The following RPA1 variants were observed in gnomAD, a reference collection of about 807,000 sequenced individuals.
RPA1 encodes replication protein A1.
A neutral mutation model predicts 83.0 loss-of-function variants in RPA1; 49 were observed. The ratio of observed to expected loss-of-function variants is 0.59; its 90% CI spans 0.47 to 0.75. The LOEUF is 0.75. RPA1 is among the 30% of genes least tolerant of loss of function. The pLI, the probability that RPA1 is intolerant of heterozygous loss-of-function variation, is 0.00. For synonymous variants in RPA1, 279 were observed against 281.8 expected, an observed-to-expected ratio of 0.99 and a Z score of 0.10; for missense variants, 693 against 776.1, an observed-to-expected ratio of 0.89 and a Z score of 1.27.
intron 1 of RPA1, among the ~76,000 whole-genome samples, chr17:1,834,908 C>G (rs1280798849): frequency 6.6e-6 from 1 of 152,122 alleles, no homozygotes; most frequent in African/African-American, 2.4e-5. Context: ...GTTGCCCAGG[C>G]TGGGGTGCAG....
chr17:1,840,447 C>T lies in RPA1; in HGVS notation c.34-2356C>T, dbSNP rs114349434. Among the ~76,000 whole-genome samples, 937 of 152,170 alleles carry T rather than the reference C, an allele frequency of 6.2e-3. 11 individuals are homozygous for T. Among genetic ancestry groups the T allele is most frequent in the African/African-American group, 0.021 (856 of 41,506 alleles). ...GACTACAGGCACGTCCCACCACGCCCGGTTAATTTTTTATATTTTTAGCAG... is the reference window on the plus strand; with the variant it reads ...GACTACAGGCACGTCCCACCACGCCTGGTTAATTTTTTATATTTTTAGCAG... On this transcript the variant is annotated intron_variant, in intron 1 of 16. Transcript: ENST00000254719.
chr17:1,837,749 T>G (rs1911879519), intron 1 of RPA1, among the ~76,000 whole-genome samples: 1 of 152,216 alleles, frequency 6.6e-6, no homozygotes, highest in Admixed American at 6.5e-5. Flanking sequence ...GTTCACATCT[T>G]TTGTTCACCT....
At chr17:1,852,238 GGAGC>G (rs1353674697) in intron 4 of RPA1, among the ~76,000 whole-genome samples, 16 of 152,242 alleles carry the variant, frequency 1.1e-4, no homozygotes, top group African/African-American at 3.1e-4. Context: ...CAGTCTAGTA[GGAGC>G]GAGAGAGAAT....
intron 13 of RPA1, 120 bp from the exon 14 acceptor site, chr17:1,888,555 A>G (rs1265911406): frequency 1.0e-5 from 9 of 888,112 alleles, no homozygotes; most frequent in Non-Finnish European, 1.5e-5. Flanking sequence ...GATCATGTGT[A>G]ATCTTGAGGA....
intron 5 of RPA1, among the ~76,000 whole-genome samples, chr17:1,869,109 G>C (rs573919650): frequency 2.0e-5 from 3 of 152,238 alleles, no homozygotes; most frequent in Non-Finnish European, 4.4e-5. Flanking sequence ...GGTAGAAGTT[G>C]AATTTTTTGT....
At chr17:1,875,841 G>A in intron 7 of RPA1, 48 bp downstream of exon 7, 1 of 1,566,526 alleles carries the variant, frequency 6.4e-7, no homozygotes, top group Non-Finnish European at 8.7e-7. Flanking sequence ...TGAAATCGGA[G>A]AAGCTATTAT....
rs750505392 is a variant in RPA1, at chr17:1,880,502, C to T, written c.1093-41C>T. On this transcript the variant is annotated intron_variant, in intron 11 of 16. Transcript: ENST00000254719. The stretch of plus-strand genomic sequence containing the variant: ...TCTATAAAAATCTTCTGTGTTCTTC[C>T]TGCTAGTGACACTTGTATATGTCTG... 4 of 1,597,604 alleles carry T rather than the reference C, an allele frequency of 2.5e-6. No homozygotes were observed. The East Asian group carries it at 9.0e-5, about 36-fold the overall frequency.
At chr17:1,833,476 G>C (rs931947666) in intron 1 of RPA1, among the ~76,000 whole-genome samples, 2 of 152,236 alleles carry the variant, frequency 1.3e-5, no homozygotes, top group Non-Finnish European at 2.9e-5. Flanking sequence ...TTAGGAATGT[G>C]TGAATGCTGA....
chr17:1,846,642 G>A (rs895154487), intron 4 of RPA1, among the ~76,000 whole-genome samples: 1 of 151,844 alleles, frequency 6.6e-6, no homozygotes, highest in African/African-American at 2.4e-5. Context: ...TTTTCTTCTG[G>A]TATGTGGTAT....
At chr17:1,838,665 T>C (rs1304910550) in intron 1 of RPA1, among the ~76,000 whole-genome samples, 1 of 152,086 alleles carries the variant, frequency 6.6e-6, no homozygotes, top group Non-Finnish European at 1.5e-5. Context: ...TCTTTTATGC[T>C]GTGTTTTCTT....
chr17:1,887,670 T>G (rs1188540192), intron 13 of RPA1, among the ~76,000 whole-genome samples: 1 of 151,794 alleles, frequency 6.6e-6, no homozygotes, highest in Admixed American at 6.6e-5. Context: ...GGTGGATCAC[T>G]TGAGGTTTGG....
At chr17:1,896,535 T>TG (rs1364411086) in intron 16 of RPA1, among the ~76,000 whole-genome samples, 2 of 114,014 alleles carry the variant, frequency 1.8e-5, no homozygotes, top group Non-Finnish European at 3.6e-5. Context: ...GGGGTGGGGC[T>TG]GGGGGGGATT....
At chr17:1,844,742 G>A (rs1321725729) in intron 4 of RPA1, 56 bp downstream of exon 4, 35 of 1,334,992 alleles carry the variant, frequency 2.6e-5, no homozygotes, top group Non-Finnish European at 3.4e-5. Context: ...ACAAATTTAG[G>A]AATAAAAAAG....
At chr17:1,868,043 C>T (rs915914412) in intron 5 of RPA1, among the ~76,000 whole-genome samples, 19 of 151,794 alleles carry the variant, frequency 1.3e-4, no homozygotes, top group Non-Finnish European at 1.6e-4. Context: ...ATGATCATGC[C>T]GCTGTACTCC....
chr17:1,878,455 G>A (rs1913647374), intron 8 of RPA1, among the ~76,000 whole-genome samples: 2 of 151,970 alleles, frequency 1.3e-5, no homozygotes, highest in African/African-American at 2.4e-5. Flanking sequence ...AAAATTTCTT[G>A]TCCACTTGTA....
chr17:1,847,710 C>T (rs1193233532), intron 4 of RPA1, among the ~76,000 whole-genome samples: 2 of 152,100 alleles, frequency 1.3e-5, no homozygotes, highest in African/African-American at 4.8e-5. Context: ...ACTAATTATA[C>T]TCATAAATGT....
chr17:1,879,770 G>A lies in RPA1; in HGVS notation c.1092+71G>A, dbSNP rs1023547171. On this transcript the variant is annotated intron_variant, in intron 11 of 16. Coordinates refer to ENST00000254719, the MANE Select transcript of RPA1 (RefSeq NM_002945.5). ...GTTGGGGCGTGGTCTTGTCCTATAG[G>A]ATGGGGCCTTCAGCACACACAGGAG... 1.9e-6 allele frequency: 3 copies of A among 1,587,422 alleles called. No homozygotes were observed. The Admixed American group carries it at 5.1e-5, about 27-fold the overall frequency.
chr17:1,896,207 C>G (rs1232158634), intron 16 of RPA1, among the ~76,000 whole-genome samples: 1 of 152,212 alleles, frequency 6.6e-6, no homozygotes. Context: ...ACGTCCAACC[C>G]AGGCAGCCTG....
intron 1 of RPA1, 120 bp downstream of exon 1, chr17:1,830,246 GC>G: frequency 1.4e-6 from 1 of 728,048 alleles, no homozygotes; most frequent in Non-Finnish European, 1.9e-6. Flanking sequence ...GGAGGAGATG[GC>G]GGGGGGCGGT....
Sources: allele counts gnomAD v4.1 joint callset (sites outside exome capture counted in the v4.1 genomes callset), GRCh38; gene constraint gnomAD v4.1.1; transcripts MANE v1.5; gene names NCBI Gene and HGNC (gene_info 2026-07-23, HGNC 2026-07-21).